Variants in UNC13C observed in about 807,000 individuals in gnomAD.
UNC13C encodes protein unc-13 homolog C.
In UNC13C, 174 loss-of-function variants were observed where a neutral mutation model predicts 245.4. The ratio of observed to expected loss-of-function variants is 0.71; its 90% CI spans 0.63 to 0.80. UNC13C has a LOEUF of 0.80. UNC13C is among the 30% of genes least tolerant of loss of function. The pLI, the probability that UNC13C is intolerant of heterozygous loss-of-function variation, is 0.00. For missense variants in UNC13C, 2,829 were observed against 2,602.9 expected (o/e 1.09, Z -1.89); for synonymous variants, 992 against 895.1 (o/e 1.11, Z -1.93).
At chr15:54,174,483 T>C (rs2033537062) in intron 4 of UNC13C, among the ~76,000 whole-genome samples, 1 of 152,176 alleles carries the variant, frequency 6.6e-6, no homozygotes, top group Non-Finnish European at 1.5e-5. Context: ...CTCCTATTCA[T>C]AAAATTTGGC....
At chr15:54,007,860 T>C (rs1895212250) in intron 1 of UNC13C, among the ~76,000 whole-genome samples, 1 of 152,206 alleles carries the variant, frequency 6.6e-6, no homozygotes, top group African/African-American at 2.4e-5. Flanking sequence ...GCGTGAGTCC[T>C]GAGGCCAGGA....
chr15:54,448,996 C>G (rs1890999717), intron 19 of UNC13C, among the ~76,000 whole-genome samples: 1 of 152,234 alleles, frequency 6.6e-6, no homozygotes, highest in African/African-American at 2.4e-5. Flanking sequence ...TCAGCATTTG[C>G]TTGTCTGTAA....
intron 2 of UNC13C, among the ~76,000 whole-genome samples, chr15:54,095,213 C>G (rs1356261029): frequency 6.6e-6 from 1 of 152,198 alleles, no homozygotes; most frequent in African/African-American, 2.4e-5. Flanking sequence ...TCGTGCCTCT[C>G]AAACTCTAGG....
chr15:54,102,054 C>G (rs1041974568), intron 2 of UNC13C, among the ~76,000 whole-genome samples: 1 of 148,898 alleles, frequency 6.7e-6, no homozygotes, highest in African/African-American at 2.5e-5. Context: ...CCTACTAGAT[C>G]CTGTGTGAAG....
intron 1 of UNC13C, among the ~76,000 whole-genome samples, chr15:53,995,356 GC>G (rs901842501): frequency 1.2e-4 from 18 of 151,968 alleles, no homozygotes; most frequent in African/African-American, 3.6e-4. Context: ...ACTCTCATTA[GC>G]CCCAGTCTTC....
chr15:54,574,446 G>A (rs1897877473), intron 30 of UNC13C, among the ~76,000 whole-genome samples: 1 of 152,108 alleles, frequency 6.6e-6, no homozygotes, highest in African/African-American at 2.4e-5. Flanking sequence ...GATACCAAGG[G>A]CTCTTTGAAT....
chr15:54,422,985 CG>C (rs1298729802), intron 19 of UNC13C, among the ~76,000 whole-genome samples: 12 of 115,856 alleles, frequency 1.0e-4, no homozygotes, highest in African/African-American at 3.9e-4. Context: ...ACACACACAA[CG>C]AAAAAAAAAC....
chr15:54,546,444 C>T (rs532833354), intron 26 of UNC13C, among the ~76,000 whole-genome samples: 13 of 152,098 alleles, frequency 8.5e-5, no homozygotes, highest in Non-Finnish European at 1.3e-4. Flanking sequence ...ATTCTGCACA[C>T]GTATCCCAAA....
At position 54,272,745 on chromosome 15, in the gene UNC13C, C is replaced by T. The variant is rs374904769; in HGVS notation, c.3818+7249C>T. Among the ~76,000 whole-genome samples the T allele has an allele frequency of 3.6e-4, 55 of 152,214 alleles. No individual in the cohort carries two copies. The East Asian group carries it at 4.8e-3, about 13-fold the overall frequency. On this transcript the variant is annotated intron_variant, in intron 10 of 32. Coordinates refer to ENST00000260323, the MANE Select transcript of UNC13C (RefSeq NM_001080534.3). ...TGAGCCATTACCTATCCACATACAGCGAAGCCAACAGAACAGAATTTACAT... is the reference window on the plus strand; with the variant it reads ...TGAGCCATTACCTATCCACATACAGTGAAGCCAACAGAACAGAATTTACAT...
chr15:53,888,126 T>C, the UNC13C span, among the ~76,000 whole-genome samples: 3 of 152,186 alleles, frequency 2.0e-5, no homozygotes, highest in African/African-American at 7.2e-5. Context: ...GAGGAATCAC[T>C]GCACTGTCTT....
rs543663164 is a variant in UNC13C at position 54,040,489 on chromosome 15, C to T, written c.2983+24603C>T. Among the ~76,000 whole-genome samples, 5 of 152,270 alleles carry T rather than the reference C, an allele frequency of 3.3e-5. No homozygotes were observed. The East Asian group carries it at 9.7e-4, about 29-fold the overall frequency. ...TAACAAGGGCTTCAGGTGATTCTTA[C>T]ACCCTAATTAATGTTTGAGAAACAC... On this transcript the variant is annotated intron_variant, in intron 2 of 32. Coordinates refer to ENST00000260323, the MANE Select transcript of UNC13C (RefSeq NM_001080534.3).
intron 29 of UNC13C, among the ~76,000 whole-genome samples, chr15:54,566,700 C>G (rs913193861): frequency 1.3e-5 from 2 of 151,960 alleles, no homozygotes; most frequent in African/African-American, 4.8e-5. Flanking sequence ...AGCTAATACC[C>G]ATAAAATTTT....
At chr15:54,620,314 T>TCCTGTG (rs1900715038) in intron 30 of UNC13C, among the ~76,000 whole-genome samples, 1 of 152,132 alleles carries the variant, frequency 6.6e-6, no homozygotes, top group African/African-American at 2.4e-5. Flanking sequence ...ACAAGCAATT[T>TCCTGTG]GAGAAAGGAA....
intron 4 of UNC13C, among the ~76,000 whole-genome samples, chr15:54,177,906 C>G (rs533993643): frequency 2.0e-5 from 3 of 151,976 alleles, no homozygotes; most frequent in African/African-American, 7.2e-5. Context: ...AACATTTTTT[C>G]TCATTTTTTT....
intron 13 of UNC13C, among the ~76,000 whole-genome samples, chr15:54,307,222 G>T (rs901713867): frequency 6.6e-6 from 1 of 151,922 alleles, no homozygotes; most frequent in Non-Finnish European, 1.5e-5. Context: ...ATGCTAGAAG[G>T]TCCAAAATTA....
At chr15:54,117,978 G>C (rs2030392216) in intron 2 of UNC13C, among the ~76,000 whole-genome samples, 1 of 151,982 alleles carries the variant, frequency 6.6e-6, no homozygotes, top group African/African-American at 2.4e-5. Context: ...TTTACATCTG[G>C]CTTCTCTCTT....
At chr15:54,096,297 T>A (rs966510988) in intron 2 of UNC13C, among the ~76,000 whole-genome samples, 4 of 151,142 alleles carry the variant, frequency 2.6e-5, no homozygotes, top group East Asian at 2.0e-4. Context: ...GGATTCCACG[T>A]TTCATCACAT....
rs534400436 is a variant in UNC13C, at chr15:54,277,404, T to A, written c.3818+11908T>A. The stretch of plus-strand genomic sequence containing the variant: ...TTATTATGATTAGATCCATATCATC[T>A]TTTTTCACCCTGTCCTTACAGAACA... On this transcript the variant is annotated intron_variant, in intron 10 of 32. Transcript: ENST00000260323. 9.3e-4 allele frequency among the ~76,000 whole-genome samples: 142 copies of A among 152,244 alleles called. 1 individual carries two copies. Among genetic ancestry groups the A allele is most frequent in the South Asian group, 8.3e-3 (40 of 4,822 alleles).
the UNC13C span, among the ~76,000 whole-genome samples, chr15:53,893,319 G>A: frequency 6.6e-5 from 10 of 152,210 alleles, no homozygotes; most frequent in African/African-American, 2.4e-4. Context: ...TCCCAGTCAG[G>A]ATACACGGGG....
Sources: allele counts gnomAD v4.1 joint callset (sites outside exome capture counted in the v4.1 genomes callset), GRCh38; gene constraint gnomAD v4.1.1; transcripts MANE v1.5; gene names NCBI Gene and HGNC (gene_info 2026-07-23, HGNC 2026-07-21).